The following PPARA variants were observed in gnomAD, a reference collection of about 807,000 sequenced individuals.
The protein encoded by PPARA is peroxisome proliferator activated receptor alpha.
A neutral mutation model predicts 42.2 loss-of-function variants in PPARA; 22 were observed. That is an observed-to-expected ratio of 0.52 (90% CI 0.37 to 0.74). The LOEUF is 0.74. PPARA is among the 30% of genes least tolerant of loss of function. The pLI is 0.00. For missense variants in PPARA, 465 were observed against 608.2 expected, an observed-to-expected ratio of 0.76 and a Z score of 2.48; for synonymous variants, 242 against 239.3, an observed-to-expected ratio of 1.01 and a Z score of -0.10.
In PPARA at chr22:46,196,805, C is replaced by T. The variant is rs1932289366; in HGVS notation, c.-42-1537C>T. On this transcript the variant is annotated intron_variant, in intron 3 of 8. Coordinates refer to ENST00000407236, the MANE Select transcript of PPARA (RefSeq NM_005036.6). The surrounding 1 kb of genome is among the most constrained non-coding windows in gnomAD (Gnocchi z 5.6). Reference sequence around the variant, plus strand: ...TGGTGCGACCTCAGCTCACCGCAACCTCCGCCTCCCATGTTCAAGCGGTTC... The same window carrying T: ...TGGTGCGACCTCAGCTCACCGCAACTTCCGCCTCCCATGTTCAAGCGGTTC... 6.6e-6 allele frequency among the ~76,000 whole-genome samples: 1 copy of T among 152,234 alleles called. No homozygotes were observed. The highest frequency in any genetic ancestry group is 2.4e-5 in the African/African-American group (1 of 41,456).
chr22:46,201,159 C>T (rs563444728), intron 4 of PPARA, among the ~76,000 whole-genome samples: 5 of 151,762 alleles, frequency 3.3e-5, no homozygotes, highest in South Asian at 4.1e-4. Context: ...TAACCTGCCA[C>T]GGTTCATACA....
Position 46,231,839 on chromosome 22 carries a change from G to A in PPARA, c.759G>A (p.Thr253=), listed in dbSNP as rs376257074. 4.3e-5 allele frequency: 69 copies of A among 1,613,804 alleles called. No individual in the cohort carries two copies. Among genetic ancestry groups the A allele is most frequent in the South Asian group, 5.5e-5 (5 of 91,072 alleles). The change falls in exon 8 of 9, where the codon ACG becomes ACA. Residue 253 remains threonine (T), a synonymous_variant. Coordinates refer to ENST00000407236, the MANE Select transcript of PPARA (RefSeq NM_005036.6). This position sits in a 1 kb window ranked among gnomAD's most constrained non-coding sequence, Gnocchi z 7.7. The part of the protein sequence containing the change: ...DMETLCMAEK[T]LVAKLVANGI... The stretch of plus-strand genomic sequence containing the variant: ...AGACACTGTGTATGGCTGAGAAGAC[G>A]CTGGTGGCCAAGCTGGTGGCCAATG...
intron 7 of PPARA, among the ~76,000 whole-genome samples, chr22:46,229,858 G>A (rs1321625524): frequency 6.6e-6 from 1 of 152,174 alleles, no homozygotes; most frequent in African/African-American, 2.4e-5. Flanking sequence ...TGCAAGTCCT[G>A]GTTCTGTTGA....
chr22:46,204,873 T>C lies in PPARA; in HGVS notation c.208+6282T>C, dbSNP rs944852794. Among the ~76,000 whole-genome samples the C allele has an allele frequency of 6.6e-6, 1 of 152,086 alleles. No individual in the cohort carries two copies. Among genetic ancestry groups the C allele is most frequent in the Non-Finnish European group, 1.5e-5 (1 of 68,006 alleles). On this transcript the variant is annotated intron_variant, in intron 4 of 8. Coordinates refer to ENST00000407236, the MANE Select transcript of PPARA (RefSeq NM_005036.6). The surrounding 1 kb of genome is among the most constrained non-coding windows in gnomAD (Gnocchi z 5.2). ...AAGAAAAAAGATTGTTTTGTTTGTT[T>C]TGTTTTGTTTTTGAGATAGGGTCTC...
chr22:46,168,438 A>G (rs1226880528), intron 2 of PPARA, among the ~76,000 whole-genome samples: 1 of 151,524 alleles, frequency 6.6e-6, no homozygotes, highest in African/African-American at 2.4e-5. Context: ...AAAATTAGAA[A>G]CTTTTACTCA....
intron 7 of PPARA, among the ~76,000 whole-genome samples, chr22:46,229,233 G>A (rs559225978): frequency 3.3e-5 from 5 of 152,084 alleles, no homozygotes; most frequent in African/African-American, 1.2e-4. Context: ...TACTGCCATC[G>A]ATCCTTGAAA....
At chr22:46,175,065 C>T (rs1053141797) in intron 2 of PPARA, among the ~76,000 whole-genome samples, 4 of 152,018 alleles carry the variant, frequency 2.6e-5, no homozygotes, top group African/African-American at 9.7e-5. Context: ...GCGTGCACCA[C>T]ACCTGGCTCG....
In PPARA at chr22:46,236,964, A is replaced by G. The variant is rs570284750; in HGVS notation, c.*1584A>G. 10 of 152,290 alleles carry G rather than the reference A, an allele frequency of 6.6e-5. No individual in the cohort carries two copies. The highest frequency in any genetic ancestry group is 2.4e-4 in the African/African-American group (10 of 41,552). The allele number at this position is 152,290 out of a possible 1,614,324, so 9.4% of individuals were successfully genotyped here. A position where few individuals can be genotyped will look rare whatever the true frequency, so the allele number is the denominator to read the frequency against. ...GCGTTGATTATGGTAGTTTGTCAAG[A>G]ATATATGGACCTGGAAACACTTTCT... On this transcript the variant is annotated 3_prime_UTR_variant, in exon 9 of 9. Transcript: ENST00000407236. The surrounding 1 kb of genome is among the most constrained non-coding windows in gnomAD (Gnocchi z 5.2).
At chr22:46,214,839 G>T (rs1420064058) in intron 4 of PPARA, among the ~76,000 whole-genome samples, 5 of 149,236 alleles carry the variant, frequency 3.4e-5, no homozygotes, top group African/African-American at 7.4e-5. Flanking sequence ...TGCGGGGCGG[G>T]ATGTGTGGAT....
At chr22:46,208,520 C>T (rs985629038) in intron 4 of PPARA, among the ~76,000 whole-genome samples, 4 of 150,660 alleles carry the variant, frequency 2.7e-5, no homozygotes, top group African/African-American at 4.9e-5. Flanking sequence ...TGCACTCCAG[C>T]CTGGGCAACA....
Position 46,204,635 on chromosome 22 carries a change from G to A in PPARA, c.208+6044G>A, listed in dbSNP as rs541986575. On this transcript the variant is annotated intron_variant, in intron 4 of 8. Coordinates refer to ENST00000407236, the MANE Select transcript of PPARA (RefSeq NM_005036.6). This position sits in a 1 kb window ranked among gnomAD's most constrained non-coding sequence, Gnocchi z 5.2. ...CCCTGGTGATTTTGAGCATCTTTTC[G>A]TATGCTTATTTGCCATATATCTTCT... is the stretch of plus-strand genomic sequence containing the variant. Among the ~76,000 whole-genome samples, 9 of 152,036 alleles carry A rather than the reference G, an allele frequency of 5.9e-5. No individual in the cohort carries two copies. The highest frequency in any genetic ancestry group is 1.2e-4 in the Non-Finnish European group (8 of 67,956).
rs185752422 is a variant in PPARA at position 46,232,440 on chromosome 22, T to G, written c.1159+201T>G. Among the ~76,000 whole-genome samples, 10 of 150,988 alleles carry G rather than the reference T, an allele frequency of 6.6e-5. No homozygotes were observed. ...TATTGTATAATATTATAGTATATAT[T>G]GTTATTATCTATAAATACATATTTA... On this transcript the variant is annotated intron_variant, in intron 8 of 8. Coordinates refer to ENST00000407236, the MANE Select transcript of PPARA (RefSeq NM_005036.6). The surrounding 1 kb of genome is among the most constrained non-coding windows in gnomAD (Gnocchi z 5.3).
At position 46,203,796 on chromosome 22, in the gene PPARA, G is replaced by A. The variant is rs1366592054; in HGVS notation, c.208+5205G>A. Among the ~76,000 whole-genome samples, 1 of 152,178 alleles carries A rather than the reference G, an allele frequency of 6.6e-6. No homozygotes were observed. The highest frequency in any genetic ancestry group is 1.5e-5 in the Non-Finnish European group (1 of 68,026). On this transcript the variant is annotated intron_variant, in intron 4 of 8. Transcript: ENST00000407236. The surrounding 1 kb of genome is among the most constrained non-coding windows in gnomAD (Gnocchi z 5.8). ...TCCACCCCATTCTCCCAATGCCCAG[G>A]TGGGTCCCCGTCCCTTGCGGGCCTG...
chr22:46,201,860 T>G (rs1319675564), intron 4 of PPARA, among the ~76,000 whole-genome samples: 1 of 152,226 alleles, frequency 6.6e-6, no homozygotes, highest in South Asian at 2.1e-4. Context: ...TTGTGCTATT[T>G]ATTAGAAAAA....
chr22:46,178,026 T>G (rs931449920), intron 3 of PPARA, among the ~76,000 whole-genome samples: 2 of 151,810 alleles, frequency 1.3e-5, no homozygotes, highest in African/African-American at 4.8e-5. Context: ...GGGGTATAGA[T>G]CTAAGGAGGT....
At chr22:46,181,405 C>T (rs1929944528) in intron 3 of PPARA, among the ~76,000 whole-genome samples, 1 of 152,086 alleles carries the variant, frequency 6.6e-6, no homozygotes, top group South Asian at 2.1e-4. Context: ...AAGGTACTCT[C>T]CTAGCTAAGC....
At chr22:46,179,019 G>A (rs1168423723) in intron 3 of PPARA, among the ~76,000 whole-genome samples, 6 of 152,216 alleles carry the variant, frequency 3.9e-5, no homozygotes, top group African/African-American at 4.8e-5. Context: ...GCTGGCATCC[G>A]GTGAGGGCCT....
intron 3 of PPARA, among the ~76,000 whole-genome samples, chr22:46,178,311 T>G (rs1416518935): frequency 1.3e-5 from 2 of 152,178 alleles, no homozygotes. Flanking sequence ...TTTTCCAGGA[T>G]AGAATAACAG....
chr22:46,157,922 T>TC (rs1925567185), intron 2 of PPARA, among the ~76,000 whole-genome samples: 7 of 128,188 alleles, frequency 5.5e-5, no homozygotes, highest in Non-Finnish European at 1.1e-4. Flanking sequence ...ACTTGCTTTA[T>TC]ATTTTAACTT....
Sources: allele counts gnomAD v4.1 joint callset (sites outside exome capture counted in the v4.1 genomes callset), GRCh38; gene constraint gnomAD v4.1.1; non-coding constraint Gnocchi (gnomAD v3.1); transcripts MANE v1.5; gene names NCBI Gene and HGNC (gene_info 2026-07-23, HGNC 2026-07-21).